INO80D: variants seen among roughly 807,000 people sequenced by gnomAD.
INO80D encodes the protein INO80 complex subunit D.
A neutral mutation model predicts 87.6 loss-of-function variants in INO80D; 21 were observed. That is an observed-to-expected ratio of 0.24 (90% confidence interval 0.17 to 0.35). The LOEUF (loss-of-function observed/expected upper bound fraction) is 0.35. INO80D is among the 10% of genes least tolerant of loss of function. The pLI is 1.00. For synonymous variants in INO80D, 440 were observed against 491.0 expected (o/e 0.90, Z 1.37); for missense variants, 982 against 1,280.7 (o/e 0.77, Z 3.56).
At chr2:206,077,435 C>T (rs1408921857) in intron 1 of INO80D, among the ~76,000 whole-genome samples, 1 of 151,932 alleles carries the variant, frequency 6.6e-6, no homozygotes, top group Non-Finnish European at 1.5e-5. Context: ...AATACATTCT[C>T]CAGCTGTTAG....
In INO80D at chr2:206,009,604, G is replaced by A. The variant is rs374278749; in HGVS notation, c.1733C>T (p.Ser578Leu). Residue 578 changes from serine to leucine, a missense_variant, in exon 9 of 11, where the codon TCA becomes TTA. By Grantham distance (145) the Ser-to-Leu change is moderately radical. Transcript: ENST00000403263. ...QGNLSMPASV[S>L]LPVEASHIRS... ...GATGTGAGAGGCCTCCACTGGCAGT[G>A]AGACGCTGGCGGGCATGCTGAGGTT... The A allele has an allele frequency of 1.2e-5, 19 of 1,613,632 alleles. No individual in the cohort carries two copies. The highest frequency in any genetic ancestry group is 1.7e-4 in the Middle Eastern group (1 of 5,910).
intron 3 of INO80D, among the ~76,000 whole-genome samples, chr2:206,060,529 C>T (rs1689658566): frequency 1.6e-5 from 2 of 122,750 alleles, no homozygotes; most frequent in South Asian, 2.4e-4. Flanking sequence ...AGCGAGACTC[C>T]GTCAAAAAAA....
chr2:206,035,598 G>A (rs1468326594), intron 5 of INO80D, among the ~76,000 whole-genome samples: 1 of 152,108 alleles, frequency 6.6e-6, no homozygotes, highest in African/African-American at 2.4e-5. Context: ...GTCAATTAAG[G>A]ACTTAAATCT....
intron 1 of INO80D, among the ~76,000 whole-genome samples, chr2:206,065,282 A>T (rs1689784078): frequency 6.6e-6 from 1 of 152,124 alleles, no homozygotes; most frequent in Non-Finnish European, 1.5e-5. Flanking sequence ...CAGCCTGACT[A>T]ACAAGGTGAA....
chr2:206,065,708 C>T (rs999106763), intron 1 of INO80D, among the ~76,000 whole-genome samples: 4 of 152,066 alleles, frequency 2.6e-5, no homozygotes, highest in African/African-American at 9.7e-5. Context: ...ACAACCAATT[C>T]AATTTTTAAA....
At chr2:206,024,760 C>CT (rs973005270) in intron 6 of INO80D, among the ~76,000 whole-genome samples, 13 of 151,474 alleles carry the variant, frequency 8.6e-5, no homozygotes, top group East Asian at 7.8e-4. Flanking sequence ...ATTTATTTAT[C>CT]TTTTTTTTTG....
chr2:206,060,532 C>CA (rs140826666), intron 3 of INO80D, among the ~76,000 whole-genome samples: 191 of 136,570 alleles, frequency 1.4e-3, no homozygotes, highest in Middle Eastern at 7.8e-3. Flanking sequence ...GAGACTCCGT[C>CA]AAAAAAAAAA....
chr2:206,018,044 T>G (rs1258711024), intron 7 of INO80D, among the ~76,000 whole-genome samples: 1 of 152,224 alleles, frequency 6.6e-6, no homozygotes, highest in East Asian at 1.9e-4. Flanking sequence ...ACCAGTCTCC[T>G]TAATGACCAT....
Position 205,999,920 on chromosome 2 carries a change from T to C in INO80D, c.*4448A>G, listed in dbSNP as rs1030370014. On this transcript the variant is annotated 3_prime_UTR_variant, in exon 11 of 11. Transcript: ENST00000403263. ...AGAATGCCAGTGAAGATTCAGTTAA[T>C]GTATTGGGCGGGGGGAAACATCTAT... 1 of 152,164 alleles carries C rather than the reference T, an allele frequency of 6.6e-6. No homozygotes were observed. Among genetic ancestry groups the C allele is most frequent in the Admixed American group, 6.5e-5 (1 of 15,274 alleles). The allele number at this position is 152,164 out of a possible 1,614,324, so 9.4% of individuals were successfully genotyped here.
Position 205,998,441 on chromosome 2 carries a change from T to C in INO80D, c.*5927A>G, listed in dbSNP as rs1252341018. Reference sequence around the variant, plus strand: ...CAGTGTAAAAAGGTGCTTCACTAGTTTGTTTTGTCAAAAAAAAAAAAAAAA... The same window carrying C: ...CAGTGTAAAAAGGTGCTTCACTAGTCTGTTTTGTCAAAAAAAAAAAAAAAA... On this transcript the variant is annotated 3_prime_UTR_variant, in exon 11 of 11. Transcript: ENST00000403263. 1.4e-5 allele frequency: 2 copies of C among 143,862 alleles called. No individual in the cohort carries two copies. The highest frequency in any genetic ancestry group is 7.2e-5 in the Admixed American group (1 of 13,960). The allele number at this position is 143,862 out of a possible 1,614,324, so 8.9% of individuals were successfully genotyped here. A position where few individuals can be genotyped will look rare whatever the true frequency, so the allele number is the denominator to read the frequency against.
intron 4 of INO80D, among the ~76,000 whole-genome samples, chr2:206,047,797 G>C (rs564449381): frequency 1.8e-4 from 28 of 152,076 alleles, no homozygotes; most frequent in African/African-American, 6.3e-4. Context: ...CCTTCCATGG[G>C]AAGATGGAAG....
intron 3 of INO80D, among the ~76,000 whole-genome samples, chr2:206,059,028 C>T (rs919842723): frequency 2.7e-5 from 4 of 147,312 alleles, no homozygotes; most frequent in Non-Finnish European, 4.5e-5. Flanking sequence ...AGTTCAAGAT[C>T]GACCTGAGCA....
intron 6 of INO80D, among the ~76,000 whole-genome samples, chr2:206,022,665 G>A (rs1003748014): frequency 2.0e-5 from 3 of 152,206 alleles, no homozygotes; most frequent in South Asian, 2.1e-4. Context: ...CAATAAATAC[G>A]ACAAAGTTAT....
In INO80D at chr2:206,019,806, T is replaced by C. The variant is rs1688411965; in HGVS notation, c.1338A>G (p.Ala446=). The C allele has an allele frequency of 6.2e-6, 10 of 1,613,956 alleles. No individual in the cohort carries two copies. The highest frequency in any genetic ancestry group is 1.3e-5 in the African/African-American group (1 of 75,060). ...RTKLREVEPA[A]CSGTVKGEQC... is the part of the protein sequence containing the mutation. ...GTTCACCCTTCACGGTTCCACTGCA[T>C]GCTGCTGGTTCCACCTCCCTCAGCT... Residue 446 remains alanine, a synonymous_variant, in exon 7 of 11, where the codon GCA becomes GCG. Transcript: ENST00000403263.
At chr2:206,041,513 T>G (rs1689050685) in intron 5 of INO80D, among the ~76,000 whole-genome samples, 1 of 152,298 alleles carries the variant, frequency 6.6e-6, no homozygotes, top group African/African-American at 2.4e-5. Flanking sequence ...AAAACAATCT[T>G]AAACAATTAT....
intron 6 of INO80D, among the ~76,000 whole-genome samples, chr2:206,023,952 T>C (rs1017607708): frequency 1.3e-5 from 2 of 152,166 alleles, no homozygotes; most frequent in African/African-American, 4.8e-5. Context: ...TATATACAGT[T>C]TTCCACACAA....
chr2:206,028,444 T>C (rs1688675914), intron 5 of INO80D, 109 bp from the exon 6 acceptor site: 1 of 785,838 alleles, frequency 1.3e-6, no homozygotes, highest in Non-Finnish European at 2.0e-6. Context: ...TTAAAACTTT[T>C]GTGGCATGTG....
In INO80D at chr2:206,086,050, G is replaced by C. The variant is rs540393282; in HGVS notation, c.-273C>G. The C allele has an allele frequency of 3.8e-4, 58 of 152,430 alleles. No individual in the cohort carries two copies. The highest frequency in any genetic ancestry group is 1.4e-3 in the African/African-American group (57 of 41,580). 9.4% of individuals were successfully genotyped at this position (152,430 alleles called of 1,614,324 possible). A position where few individuals can be genotyped will look rare whatever the true frequency, so the allele number is the denominator to read the frequency against. On this transcript the variant is annotated 5_prime_UTR_variant, in exon 1 of 11. Transcript: ENST00000403263. ...TCCGGCGAGAGCCTTTCCCTGTCAA[G>C]CAAGAGGGGTGAGGATCATATTTTT...
intron 1 of INO80D, among the ~76,000 whole-genome samples, chr2:206,073,509 T>G (rs1690027819): frequency 6.6e-6 from 1 of 152,080 alleles, no homozygotes; most frequent in African/African-American, 2.4e-5. Context: ...CTTTCTTCCT[T>G]TCTTTCCTTT....
Sources: gnomAD v4.1 joint callset for allele counts (sites outside exome capture counted in the v4.1 genomes callset) on GRCh38, gnomAD v4.1.1 for gene constraint, MANE v1.5 for transcripts, NCBI Gene and HGNC (gene_info 2026-07-23, HGNC 2026-07-21) for gene names.